CRHR1: variants seen among roughly 807,000 people sequenced by gnomAD.
CRHR1 encodes corticotropin releasing hormone receptor 1.
A neutral mutation model predicts 56.0 loss-of-function variants in CRHR1; 28 were observed. The observed-to-expected ratio is 0.50, with a 90% CI of 0.37 to 0.69. The LOEUF is 0.69. Among genes scored for constraint, CRHR1 ranks in the 30% least tolerant of loss-of-function variants. The probability of loss-of-function intolerance (pLI) is 0.00; values close to 1 mark genes in which losing one functional copy is unlikely to be tolerated. For synonymous variants in CRHR1, 195 were observed against 216.5 expected (o/e 0.90, Z 0.87); for missense variants, 376 against 548.0 (o/e 0.69, Z 3.13).
chr17:45,834,287 A>G lies in CRHR1; in HGVS notation c.1107+239A>G, dbSNP rs116842294. ...GCACCAGGCTGGAAGCCAGAGCTCC[A>G]GTATCTTTGATGAGCCTGTGAAAAC... On this transcript the variant is annotated intron_variant, in intron 12 of 12. Transcript: ENST00000314537. Among the ~76,000 whole-genome samples, 123 of 152,302 alleles carry G rather than the reference A, an allele frequency of 8.1e-4. 2 individuals are homozygous for G. In the East Asian group the frequency reaches 0.022, roughly 27 times the overall value.
chr17:45,818,064 C>T (rs898337380), intron 3 of CRHR1, among the ~76,000 whole-genome samples: 2 of 152,200 alleles, frequency 1.3e-5, no homozygotes, highest in Non-Finnish European at 2.9e-5. Flanking sequence ...AGCATCTGCA[C>T]ATCAGAGGAG....
At chr17:45,814,708 G>A (rs897782176) in intron 2 of CRHR1, among the ~76,000 whole-genome samples, 4 of 152,060 alleles carry the variant, frequency 2.6e-5, no homozygotes, top group Admixed American at 6.5e-5. Flanking sequence ...AGCCTGGTAC[G>A]CCGTTGCCTC....
At chr17:45,831,800 C>A (rs556162540) in intron 8 of CRHR1, among the ~76,000 whole-genome samples, 13 of 152,358 alleles carry the variant, frequency 8.5e-5, no homozygotes, top group African/African-American at 3.1e-4. Context: ...ACCTATCTGA[C>A]TGACGGACCT....
chr17:45,833,295 C>A, intron 9 of CRHR1, 85 bp downstream of exon 9: 2 of 1,505,554 alleles, frequency 1.3e-6, no homozygotes, highest in East Asian at 2.3e-5. Context: ...ACTCCTCTAC[C>A]TAGAGGTGGG....
intron 1 of CRHR1, chr17:45,800,207 G>T (rs1053102280): frequency 6.6e-6 from 1 of 152,242 alleles, no homozygotes; most frequent in Non-Finnish European, 1.5e-5. Context: ...TTGAATGAAG[G>T]ATCCCAGACC....
At chr17:45,820,742 G>T (rs1184238683) in intron 3 of CRHR1, among the ~76,000 whole-genome samples, 1 of 152,030 alleles carries the variant, frequency 6.6e-6, no homozygotes, top group Non-Finnish European at 1.5e-5. Flanking sequence ...TCCAACACAG[G>T]CCCGCTATGG....
intron 1 of CRHR1, among the ~76,000 whole-genome samples, chr17:45,785,230 G>C (rs1383044291): frequency 6.6e-6 from 1 of 152,242 alleles, no homozygotes; most frequent in Admixed American, 6.5e-5. Context: ...CTGCGCGGCC[G>C]ACCCTGCGAC....
In CRHR1 at chr17:45,785,323, G is replaced by A. The variant is rs556975022; in HGVS notation, c.33+746G>A. Among the ~76,000 whole-genome samples the A allele has an allele frequency of 9.3e-4, 142 of 152,372 alleles. 1 individual carries two copies. Among genetic ancestry groups the A allele is most frequent in the South Asian group, 1.7e-3 (8 of 4,832 alleles). ...GCTGAAGTTCGTGGGCGGTGGGGGC[G>A]GCCCGCGGGTTGTGTGAGCCAGGGA... On this transcript the variant is annotated intron_variant, in intron 1 of 12. Transcript: ENST00000314537.
At chr17:45,794,564 G>C (rs577929977) in intron 1 of CRHR1, among the ~76,000 whole-genome samples, 1 of 152,326 alleles carries the variant, frequency 6.6e-6, no homozygotes, top group African/African-American at 2.4e-5. Flanking sequence ...ACGGAAGAAG[G>C]AAGAACCCTT....
At chr17:45,791,100 G>C (rs2061417290) in intron 1 of CRHR1, among the ~76,000 whole-genome samples, 1 of 152,110 alleles carries the variant, frequency 6.6e-6, no homozygotes, top group Non-Finnish European at 1.5e-5. Flanking sequence ...AGCCTCTTTG[G>C]CAAGGTGTGT....
At chr17:45,808,713 A>G (rs182402906) in intron 2 of CRHR1, among the ~76,000 whole-genome samples, 1 of 152,332 alleles carries the variant, frequency 6.6e-6, no homozygotes, top group Admixed American at 6.5e-5. Context: ...CAGTGGCACA[A>G]TCATAGTTTA....
At chr17:45,829,736 G>A in intron 5 of CRHR1, 1 of 1,308,798 alleles carries the variant, frequency 7.6e-7, no homozygotes, top group Middle Eastern at 2.2e-4. Context: ...CATCAGGGCT[G>A]GAGGCTGGGA....
intron 1 of CRHR1, among the ~76,000 whole-genome samples, chr17:45,806,707 C>T (rs760456884): frequency 2.6e-5 from 4 of 152,144 alleles, no homozygotes; most frequent in African/African-American, 9.7e-5. Context: ...TTCCTCTGGC[C>T]GCACTCAGCC....
intron 4 of CRHR1, chr17:45,827,533 C>A (rs2062192387): frequency 6.6e-6 from 1 of 152,306 alleles, no homozygotes; most frequent in Non-Finnish European, 1.5e-5. Flanking sequence ...AGACCCTCCC[C>A]ACTTGCACGG....
intron 1 of CRHR1, among the ~76,000 whole-genome samples, chr17:45,796,384 C>T (rs538722308): frequency 1.4e-3 from 209 of 152,328 alleles, no homozygotes; most frequent in African/African-American, 4.7e-3. Context: ...TGTTGTCCGC[C>T]CCCTCGTTCC....
At chr17:45,830,390 C>T in intron 6 of CRHR1, 27 bp from the exon 7 acceptor site, 2 of 1,592,714 alleles carry the variant, frequency 1.3e-6, no homozygotes, top group Non-Finnish European at 1.7e-6. Flanking sequence ...CCCCCATCAT[C>T]ATCTCTGGTT....
At chr17:45,793,090 C>T (rs1422988300) in intron 1 of CRHR1, among the ~76,000 whole-genome samples, 1 of 152,236 alleles carries the variant, frequency 6.6e-6, no homozygotes, top group East Asian at 1.9e-4. Flanking sequence ...CGACAGAAGA[C>T]ACAAGTGGCA....
chr17:45,833,165 G>A lies in CRHR1; in HGVS notation c.798G>A (p.Val266=), dbSNP rs1195462338. ...EKCWFGKRPG[V]YTDYIYQGPM... The stretch of plus-strand genomic sequence containing the variant: ...GCTGGTTTGGCAAAAGGCCTGGGGT[G>A]TACACCGACTACATCTACCAGGGCC... Residue 266 remains valine, a synonymous_variant, in exon 9 of 13, where the codon GTG becomes GTA. Transcript: ENST00000314537. The A allele has an allele frequency of 6.2e-7, 1 of 1,614,058 alleles. No individual in the cohort carries two copies. Among genetic ancestry groups the A allele is most frequent in the African/African-American group, 1.3e-5 (1 of 74,932 alleles).
intron 10 of CRHR1, 46 bp downstream of exon 10, chr17:45,833,583 T>G: frequency 6.3e-7 from 1 of 1,598,404 alleles, no homozygotes; most frequent in Non-Finnish European, 8.6e-7. Context: ...ATGAAACCCC[T>G]GCTCCCCATG....
Sources: gnomAD v4.1 joint callset for allele counts (sites outside exome capture counted in the v4.1 genomes callset) on GRCh38, gnomAD v4.1.1 for gene constraint, MANE v1.5 for transcripts, NCBI Gene and HGNC (gene_info 2026-07-23, HGNC 2026-07-21) for gene names.